ATP2B2: variants seen among roughly 807,000 people sequenced by gnomAD.
The protein encoded by ATP2B2 is plasma membrane calcium-transporting ATPase 2.
ATP2B2 carries 15 observed loss-of-function variants against 120.0 expected under a neutral mutation model. The observed-to-expected ratio is 0.12, with a 90% CI of 0.08 to 0.19. The LOEUF (loss-of-function observed/expected upper bound fraction) is 0.19, where lower values mean the gene tolerates loss of function less well. ATP2B2 is among the 10% of genes least tolerant of loss of function. ATP2B2 has a pLI of 1.00. For missense variants in ATP2B2, 1,045 were observed against 1,719.8 expected, an observed-to-expected ratio of 0.61 and a Z score of 6.94; for synonymous variants, 694 against 700.3, an observed-to-expected ratio of 0.99 and a Z score of 0.14.
At position 10,704,162 on chromosome 3, in the gene ATP2B2, C is replaced by G. The variant is rs531890624; in HGVS notation, c.-460+3753G>C. ...TCTCAAGTAAAATTCTTTTTAGAGGCCATCATTTCCTGAGTGGTTGGCCTC... is the reference window on the plus strand; with the variant it reads ...TCTCAAGTAAAATTCTTTTTAGAGGGCATCATTTCCTGAGTGGTTGGCCTC... On this transcript the variant is annotated intron_variant, in intron 1 of 21. Transcript: ENST00000646379. 1.7e-4 allele frequency among the ~76,000 whole-genome samples: 26 copies of G among 152,308 alleles called. No homozygotes were observed. In the South Asian group the frequency reaches 2.9e-3, roughly 17 times the overall value.
intron 2 of ATP2B2, among the ~76,000 whole-genome samples, chr3:10,579,627 G>A (rs1264566812): frequency 3.9e-5 from 6 of 152,168 alleles, no homozygotes; most frequent in Admixed American, 3.9e-4. Flanking sequence ...TGGCCAAAAT[G>A]GCAAAACCCT....
At position 10,386,512 on chromosome 3, in the gene ATP2B2, C is replaced by T. The variant is rs956959764; in HGVS notation, c.908G>A (p.Gly303Asp). Residue 303 changes from glycine (G) to aspartate (D), a missense_variant and splice_region_variant, in exon 7 of 23, where the codon GGT becomes GAT. Transcript: ENST00000360273. Reference sequence around the variant, plus strand: ...CTGAAGGCCATCCCCCTTCTTCACACCTGTGTGATGATTTTTGAGACATGT... The same window carrying T: ...CTGAAGGCCATCCCCCTTCTTCACATCTGTGTGATGATTTTTGAGACATGT... ...GEEEEKKDKKGVKKGDGLQLP... is the reference protein window; with the variant it reads ...GEEEEKKDKKDVKKGDGLQLP... The T allele has an allele frequency of 1.2e-6, 2 of 1,614,174 alleles. No individual in the cohort carries two copies. The highest frequency in any genetic ancestry group is 2.2e-5 in the East Asian group (1 of 44,886).
intron 5 of ATP2B2, among the ~76,000 whole-genome samples, chr3:10,390,940 G>A (rs1006707471): frequency 6.6e-5 from 10 of 152,148 alleles, no homozygotes; most frequent in African/African-American, 1.2e-4. Context: ...AGATGCCTCC[G>A]TGGGCACCAG....
rs149899981 is a variant in ATP2B2, at chr3:10,375,566, G to A, written c.1280C>T (p.Pro427Leu). ...TVDTFVVNKK[P>L]WLPECTPVYV... Reference sequence around the variant, plus strand: ...GACGGGCGTGCACTCAGGCAGCCACGGCTTCTTGTTGACCACGAAGGTGTC... The same window carrying A: ...GACGGGCGTGCACTCAGGCAGCCACAGCTTCTTGTTGACCACGAAGGTGTC... The change falls in exon 11 of 23, where the codon CCG (proline) becomes CTG (leucine). Residue 427 changes from proline to leucine, a missense_variant. By Grantham distance (98) the Pro-to-Leu change is moderately conservative. This residue lies in a region of ATP2B2 where 343 missense variants were observed against 536.8 expected (regional missense o/e 0.64). Transcript: ENST00000360273. This position sits in a 1 kb window ranked among gnomAD's most constrained non-coding sequence, Gnocchi z 4.2. 14 of 1,613,754 alleles carry A rather than the reference G, an allele frequency of 8.7e-6. No individual in the cohort carries two copies. Among genetic ancestry groups the A allele is most frequent in the East Asian group, 2.2e-5 (1 of 44,880 alleles).
In ATP2B2 at chr3:10,667,396, G is replaced by A. The variant is rs532893697; in HGVS notation, c.-460+40519C>T. On this transcript the variant is annotated intron_variant, in intron 1 of 21. Coordinates refer to the ATP2B2 transcript ENST00000646379. ...TCTGGAGGCTGAGGGGGCTGGGTGC[G>A]TCCCTGAGACTGCCCTTTCTTCATA... is the stretch of plus-strand genomic sequence containing the variant. Among the ~76,000 whole-genome samples, 17 of 152,270 alleles carry A rather than the reference G, an allele frequency of 1.1e-4. No homozygotes were observed. In the South Asian group the frequency reaches 2.3e-3, roughly 20 times the overall value.
rs764769061 is a variant in ATP2B2, at chr3:10,340,646, T to G, written c.2976A>C (p.Ser992=). 6.2e-7 allele frequency: 1 copy of G among 1,614,238 alleles called. No homozygotes were observed. The highest frequency in any genetic ancestry group is 1.3e-5 in the African/African-American group (1 of 75,066). ...GRNAPLHSPP[S]EHYTIIFNTF... ...TGTTGAAGATGATGGTGTAATGTTC[T>G]GAGGGTGGCGAATGCAGGGGCGCGT... The change falls in exon 20 of 23, where the codon TCA becomes TCC. Residue 992 remains serine, a synonymous_variant. Transcript: ENST00000360273. This position sits in a 1 kb window ranked among gnomAD's most constrained non-coding sequence, Gnocchi z 5.0.
intron 2 of ATP2B2, among the ~76,000 whole-genome samples, chr3:10,433,860 T>A (rs1400902536): frequency 6.6e-6 from 1 of 152,206 alleles, no homozygotes; most frequent in Non-Finnish European, 1.5e-5. Context: ...AAAGCACTTA[T>A]CCACTCGATA....
intron 1 of ATP2B2, among the ~76,000 whole-genome samples, chr3:10,631,205 C>T (rs1389177449): frequency 6.6e-6 from 1 of 152,212 alleles, no homozygotes; most frequent in African/African-American, 2.4e-5. Flanking sequence ...TGTACAGGAT[C>T]TGGCACTTAG....
At chr3:10,646,913 C>T (rs77803687) in intron 1 of ATP2B2, among the ~76,000 whole-genome samples, 3,494 of 152,276 alleles carry the variant, frequency 0.023, 68 homozygotes, top group South Asian at 0.086. Flanking sequence ...ACATGTGGGG[C>T]GTTACATAAT....
intron 1 of ATP2B2, among the ~76,000 whole-genome samples, chr3:10,654,865 A>G (rs780667750): frequency 2.0e-5 from 3 of 152,058 alleles, no homozygotes; most frequent in African/African-American, 2.4e-5. Flanking sequence ...ACAACGCCCA[A>G]GAGATTCTGC....
intron 1 of ATP2B2, among the ~76,000 whole-genome samples, chr3:10,503,450 C>A (rs1273109798): frequency 6.6e-6 from 1 of 152,248 alleles, no homozygotes; most frequent in Non-Finnish European, 1.5e-5. Flanking sequence ...CCTGGGAATA[C>A]GGGCTGGCCC....
At chr3:10,369,631 C>A (rs1292720020) in intron 12 of ATP2B2, among the ~76,000 whole-genome samples, 1 of 152,200 alleles carries the variant, frequency 6.6e-6, no homozygotes, top group African/African-American at 2.4e-5. Flanking sequence ...TGAATAACAA[C>A]AATACTAGTC....
intron 18 of ATP2B2, among the ~76,000 whole-genome samples, chr3:10,344,356 AAG>A (rs2060368457): frequency 6.6e-6 from 1 of 152,076 alleles, no homozygotes; most frequent in Non-Finnish European, 1.5e-5. Context: ...CAGGCCAGGA[AAG>A]AGGGCCCTTC....
intron 2 of ATP2B2, among the ~76,000 whole-genome samples, chr3:10,544,303 G>A (rs539183323): frequency 5.9e-5 from 9 of 152,280 alleles, no homozygotes; most frequent in East Asian, 3.9e-4. Flanking sequence ...GCACAACAAC[G>A]AATTACAAAG....
upstream of ATP2B2, among the ~76,000 whole-genome samples, chr3:10,505,984 G>A (rs973342321): frequency 1.3e-5 from 2 of 152,084 alleles, no homozygotes; most frequent in African/African-American, 4.8e-5. Context: ...CCTGAGAGTG[G>A]TGGTGGGGAG....
At position 10,375,826 on chromosome 3, in the gene ATP2B2, A is replaced by G. The variant is rs2061365626; in HGVS notation, c.1202-182T>C. On this transcript the variant is annotated intron_variant, in intron 10 of 22. Coordinates refer to ENST00000360273, the MANE Select transcript of ATP2B2 (RefSeq NM_001001331.4). The surrounding 1 kb of genome is among the most constrained non-coding windows in gnomAD (Gnocchi z 4.2). ...GAGACCTTGATCCTCACCGAGCCTC[A>G]GTCTCCTGCTCTGTACAATGGGGAT... Among the ~76,000 whole-genome samples the G allele has an allele frequency of 6.6e-6, 1 of 152,186 alleles. No individual in the cohort carries two copies. Among genetic ancestry groups the G allele is most frequent in the African/African-American group, 2.4e-5 (1 of 41,438 alleles).
intron 2 of ATP2B2, among the ~76,000 whole-genome samples, chr3:10,618,092 C>T (rs1268483981): frequency 1.3e-5 from 2 of 152,216 alleles, no homozygotes; most frequent in African/African-American, 4.8e-5. Flanking sequence ...ACTATGAATA[C>T]ATTGTTTTAT....
Position 10,340,257 on chromosome 3 carries a change from C to T in ATP2B2, c.3222G>A (p.Glu1074=), listed in dbSNP as rs775506001. The T allele has an allele frequency of 4.3e-6, 7 of 1,614,078 alleles. No homozygotes were observed. In the Admixed American group the frequency reaches 1.0e-4, roughly 23 times the overall value. ...WMWCIFIGLG[E]LVWGQVIATI... ...AGGAACTTACCTGGCCCCAAACGAG[C>T]TCTCCTAACCCAATGAATATGCACC... is the stretch of plus-strand genomic sequence containing the variant. Residue 1074 remains glutamate (E), a synonymous_variant, in exon 21 of 23, where the codon GAG becomes GAA. Transcript: ENST00000360273. This position sits in a 1 kb window ranked among gnomAD's most constrained non-coding sequence, Gnocchi z 5.0.
intron 5 of ATP2B2, among the ~76,000 whole-genome samples, chr3:10,399,296 G>A (rs994689051): frequency 2.6e-5 from 4 of 152,202 alleles, no homozygotes; most frequent in Admixed American, 2.0e-4. Flanking sequence ...GTCATTTGGG[G>A]CATTCCACGG....
Sources: allele counts gnomAD v4.1 joint callset (sites outside exome capture counted in the v4.1 genomes callset), GRCh38; gene constraint gnomAD v4.1.1; regional missense constraint gnomAD v4.1.1; non-coding constraint Gnocchi (gnomAD v3.1); transcripts MANE v1.5; gene names NCBI Gene and HGNC (gene_info 2026-07-23, HGNC 2026-07-21).